Variants in THADA observed in about 807,000 individuals in gnomAD.
THADA encodes the protein tRNA (32-2'-O)-methyltransferase regulator THADA.
Under a neutral mutation model 219.8 loss-of-function variants are expected in THADA, and 213 were observed. The ratio of observed to expected loss-of-function variants is 0.97; its 90% confidence interval spans 0.87 to 1.09. The LOEUF (loss-of-function observed/expected upper bound fraction) is 1.09, where lower values mean the gene tolerates loss of function less well. Ranked by LOEUF, THADA falls within the 50% of genes least tolerant of loss-of-function variation. The probability of loss-of-function intolerance (pLI) is 0.00; values close to 1 mark genes in which losing one functional copy is unlikely to be tolerated. For missense variants in THADA, 2,956 were observed against 2,311.3 expected (o/e 1.28, Z -5.72); for synonymous variants, 1,018 against 828.9 (o/e 1.23, Z -3.92).
intron 22 of THADA, among the ~76,000 whole-genome samples, chr2:43,517,466 T>C (rs369141653): frequency 1.3e-5 from 2 of 152,120 alleles, no homozygotes; most frequent in African/African-American, 2.4e-5. Flanking sequence ...TACCAAACAA[T>C]AGTTTACTTA....
At chr2:43,470,257 T>C (rs1684754762) in intron 26 of THADA, among the ~76,000 whole-genome samples, 1 of 141,686 alleles carries the variant, frequency 7.1e-6, no homozygotes, top group Admixed American at 7.0e-5. Context: ...AATCTGACAA[T>C]ATGTAAATAG....
intron 34 of THADA, among the ~76,000 whole-genome samples, chr2:43,288,781 AAC>A (rs1674351243): frequency 6.6e-6 from 1 of 152,230 alleles, no homozygotes; most frequent in Admixed American, 6.5e-5. Context: ...TTTTAATAGT[AAC>A]AGTTTTACTG....
chr2:43,358,832 A>AT (rs549875863), intron 29 of THADA, among the ~76,000 whole-genome samples: 1 of 152,132 alleles, frequency 6.6e-6, no homozygotes, highest in Admixed American at 6.5e-5. Flanking sequence ...TAAAGATGGA[A>AT]TTTTTTTCCC....
At chr2:43,521,461 T>G (rs1692472832) in intron 22 of THADA, among the ~76,000 whole-genome samples, 1 of 151,902 alleles carries the variant, frequency 6.6e-6, no homozygotes, top group Non-Finnish European at 1.5e-5. Flanking sequence ...GAGGCTGAGG[T>G]GGGAGATTCA....
intron 20 of THADA, among the ~76,000 whole-genome samples, chr2:43,543,741 T>C (rs1487550815): frequency 6.6e-6 from 1 of 152,166 alleles, no homozygotes; most frequent in Non-Finnish European, 1.5e-5. Context: ...TGTAAATTTG[T>C]TTTGAGTTCA....
intron 25 of THADA, among the ~76,000 whole-genome samples, chr2:43,487,473 T>G (rs1687049934): frequency 6.6e-6 from 1 of 152,222 alleles, no homozygotes; most frequent in South Asian, 2.1e-4. Flanking sequence ...AAAACTCCTT[T>G]GATTCAATAG....
intron 4 of THADA, among the ~76,000 whole-genome samples, chr2:43,589,630 T>C (rs1312223639): frequency 6.6e-6 from 1 of 152,146 alleles, no homozygotes; most frequent in Non-Finnish European, 1.5e-5. Context: ...GAAGCTTATC[T>C]ATGAGGATGC....
chr2:43,316,691 G>T (rs1192715216), intron 31 of THADA, among the ~76,000 whole-genome samples: 1 of 152,306 alleles, frequency 6.6e-6, no homozygotes, highest in Middle Eastern at 3.4e-3. Context: ...ACTTAGGGAG[G>T]CCGAGGCGGG....
At chr2:43,401,653 C>A (rs1289806115) in intron 28 of THADA, among the ~76,000 whole-genome samples, 1 of 152,198 alleles carries the variant, frequency 6.6e-6, no homozygotes, top group Non-Finnish European at 1.5e-5. Flanking sequence ...AAAACACCTG[C>A]ACACCTGTGA....
intron 21 of THADA, among the ~76,000 whole-genome samples, chr2:43,535,428 T>C (rs962365774): frequency 1.3e-5 from 2 of 151,686 alleles, no homozygotes; most frequent in African/African-American, 2.4e-5. Context: ...CCTGTAATCC[T>C]AGCATTTTGG....
intron 21 of THADA, among the ~76,000 whole-genome samples, chr2:43,534,719 G>C (rs181302653): frequency 1.2e-4 from 19 of 152,174 alleles, no homozygotes; most frequent in Admixed American, 1.1e-3. Context: ...TTCATCTGTT[G>C]TTGGACACCC....
intron 30 of THADA, among the ~76,000 whole-genome samples, chr2:43,320,954 T>C (rs981165126): frequency 6.6e-6 from 1 of 152,194 alleles, no homozygotes; most frequent in African/African-American, 2.4e-5. Flanking sequence ...TTTAGTATTG[T>C]GGAGAAGGAA....
At chr2:43,411,260 T>C (rs564642613) in intron 28 of THADA, among the ~76,000 whole-genome samples, 51 of 152,338 alleles carry the variant, frequency 3.3e-4, no homozygotes, top group Non-Finnish European at 6.2e-4. Flanking sequence ...GCAGAGCCTG[T>C]GCTAGTTGCA....
At chr2:43,569,145 C>T (rs1473829525) in intron 14 of THADA, among the ~76,000 whole-genome samples, 1 of 151,844 alleles carries the variant, frequency 6.6e-6, no homozygotes, top group Non-Finnish European at 1.5e-5. Flanking sequence ...CTCAGGGTTG[C>T]CTTTTTCTTT....
At chr2:43,507,025 C>G (rs1049661591) in intron 23 of THADA, among the ~76,000 whole-genome samples, 41 of 152,112 alleles carry the variant, frequency 2.7e-4, no homozygotes, top group African/African-American at 9.7e-4. Context: ...TCTGTCTACA[C>G]AAAAGGTAAA....
intron 19 of THADA, among the ~76,000 whole-genome samples, chr2:43,551,362 A>T (rs1421269708): frequency 6.6e-6 from 1 of 152,150 alleles, no homozygotes; most frequent in Non-Finnish European, 1.5e-5. Flanking sequence ...TGAATATTGG[A>T]ATATCTGCAT....
chr2:43,413,585 CACT>C (rs776795148), intron 28 of THADA, among the ~76,000 whole-genome samples: 1 of 152,146 alleles, frequency 6.6e-6, no homozygotes, highest in Non-Finnish European at 1.5e-5. Flanking sequence ...AAGCCTTAGG[CACT>C]ACTATTTCAG....
At chr2:43,580,049 G>A (rs1003486542) in intron 8 of THADA, among the ~76,000 whole-genome samples, 6 of 137,232 alleles carry the variant, frequency 4.4e-5, no homozygotes, top group Non-Finnish European at 7.7e-5. Flanking sequence ...TTTTTGAGAC[G>A]GAGGCTTGCT....
At chr2:43,278,599 T>C (rs970029398) in intron 36 of THADA, among the ~76,000 whole-genome samples, 4 of 152,226 alleles carry the variant, frequency 2.6e-5, no homozygotes, top group Non-Finnish European at 5.9e-5. Flanking sequence ...TTCCAAATGC[T>C]ATCCTGCTGA....
Sources: gnomAD v4.1 joint callset for allele counts (sites outside exome capture counted in the v4.1 genomes callset) on GRCh38, gnomAD v4.1.1 for gene constraint, MANE v1.5 for transcripts, NCBI Gene and HGNC (gene_info 2026-07-23, HGNC 2026-07-21) for gene names.